Variants in ZNF44 observed in about 807,000 individuals in gnomAD.
ZNF44 encodes the protein gonadotropin inducible transcription repressor-2.
Under a neutral mutation model 11.7 loss-of-function variants are expected in ZNF44, and 9 were observed. The observed-to-expected ratio is 0.77, with a 90% CI of 0.46 to 1.35. The LOEUF is 1.35. ZNF44 is among the 40% of genes most tolerant of loss of function. The probability of loss-of-function intolerance (pLI) is 0.00; values close to 1 mark genes in which losing one functional copy is unlikely to be tolerated. For synonymous variants in ZNF44, 224 were observed against 242.7 expected (o/e 0.92, Z 0.72); for missense variants, 696 against 743.1 (o/e 0.94, Z 0.74).
chr19:12,226,850 T>C (rs1361512948), intron 3 of ZNF44, among the ~76,000 whole-genome samples: 6 of 152,156 alleles, frequency 3.9e-5, no homozygotes, highest in African/African-American at 1.2e-4. Flanking sequence ...GTGGATTACC[T>C]GAGGTCAGGA....
intron 5 of ZNF44, among the ~76,000 whole-genome samples, chr19:12,263,833 G>T (rs1010363459): frequency 4.6e-5 from 7 of 151,514 alleles, no homozygotes; most frequent in African/African-American, 1.7e-4. Context: ...GCTGAGGAAG[G>T]AGAATGGCGT....
At chr19:12,271,429 A>G (rs1333465055), downstream of ZNF44, among the ~76,000 whole-genome samples, 16 of 152,218 alleles carry the variant, frequency 1.1e-4, no homozygotes, top group Admixed American at 1.0e-3. Flanking sequence ...AACATCTTCA[A>G]TCAGAACCTG....
chr19:12,284,699 C>A, intron 1 of ZNF44: 1 of 734,440 alleles, frequency 1.4e-6, no homozygotes, highest in Non-Finnish European at 2.4e-6. Flanking sequence ...CCATCGGGGA[C>A]TACAATGGCC....
chr19:12,252,082 C>CA (rs1917030531), intron 5 of ZNF44, among the ~76,000 whole-genome samples: 1 of 149,146 alleles, frequency 6.7e-6, no homozygotes, highest in African/African-American at 2.5e-5. Context: ...TTGCAATTTA[C>CA]AATAAAGTGC....
downstream of ZNF44, among the ~76,000 whole-genome samples, chr19:12,269,721 C>T (rs1267156425): frequency 1.3e-5 from 2 of 152,138 alleles, no homozygotes; most frequent in Admixed American, 6.5e-5. Flanking sequence ...GAGCACTATA[C>T]ATGAGTTAAT....
chr19:12,273,504 T>C lies in ZNF44; in HGVS notation c.751A>G (p.Lys251Glu), dbSNP rs774254484. ...LRHEKIHTGE[K>E]PYECKQCSKA... is the part of the protein sequence containing the mutation. The stretch of plus-strand genomic sequence containing the variant: ...GAACACTGCTTACATTCATACGGTT[T>C]CTCCCCAGTGTGTATTTTTTCATGT... The change falls in exon 4 of 4, where the codon AAA becomes GAA. Residue 251 changes from lysine (K) to glutamate (E), a missense_variant. Physicochemically the swap from Lys to Glu is moderately conservative, Grantham distance 56. Coordinates refer to ENST00000355684, the MANE Select transcript of ZNF44 (RefSeq NM_016264.4). 1 of 1,614,092 alleles carries C rather than the reference T, an allele frequency of 6.2e-7. No individual in the cohort carries two copies. The highest frequency in any genetic ancestry group is 1.7e-5 in the Admixed American group (1 of 60,010).
upstream of ZNF44, among the ~76,000 whole-genome samples, chr19:12,240,183 C>T (rs568206521): frequency 2.8e-4 from 43 of 152,208 alleles, no homozygotes; most frequent in African/African-American, 9.9e-4. Flanking sequence ...ATGGCTCACA[C>T]CTGTAATCCC....
At chr19:12,259,784 C>T (rs1038197698) in intron 5 of ZNF44, among the ~76,000 whole-genome samples, 3 of 152,190 alleles carry the variant, frequency 2.0e-5, no homozygotes, top group Non-Finnish European at 2.9e-5. Context: ...CACAACTATG[C>T]CATGGGTGTT....
rs958103269 is a variant in ZNF44, at chr19:12,276,017, T to C, written c.69A>G (p.Pro23=). ...FTHEEWALLG[P]SQKNLYRDVM... ...CATCTCTGTAGAGATTCTTCTGTGA[T>C]GGACCCAGCAAAGCCCACTCCTCAT... Residue 23 remains proline (P), a synonymous_variant, in exon 2 of 4, where the codon CCA becomes CCG. Coordinates refer to ENST00000355684, the MANE Select transcript of ZNF44 (RefSeq NM_016264.4). 3 of 1,609,898 alleles carry C rather than the reference T, an allele frequency of 1.9e-6. No individual in the cohort carries two copies. The highest frequency in any genetic ancestry group is 2.5e-6 in the Non-Finnish European group (3 of 1,177,238).
At chr19:12,263,382 G>A (rs1439479401) in intron 5 of ZNF44, among the ~76,000 whole-genome samples, 1 of 151,866 alleles carries the variant, frequency 6.6e-6, no homozygotes, top group Non-Finnish European at 1.5e-5. Flanking sequence ...CACCATGCCT[G>A]GCTTCAAATT....
rs201845011 is a variant in ZNF44 at position 12,272,674 on chromosome 19, C to T, written c.1581G>A (p.Thr527=). 697 of 1,613,464 alleles carry T rather than the reference C, an allele frequency of 4.3e-4. 4 individuals carry two copies. The Middle Eastern group carries it at 5.8e-3, about 13-fold the overall frequency. The change falls in exon 4 of 4, where the codon ACG becomes ACA. Residue 527 remains threonine, a synonymous_variant. Transcript: ENST00000355684. ...SYLKTHERTH[T]AEKPYECKQC... The stretch of plus-strand genomic sequence containing the variant: ...GCTTACATTCATATGGCTTCTCTGC[C>T]GTGTGAGTCCTTTCATGAGTTTTTA...
intron 1 of ZNF44, among the ~76,000 whole-genome samples, chr19:12,236,720 C>T (rs1434392239): frequency 6.6e-6 from 1 of 152,190 alleles, no homozygotes; most frequent in African/African-American, 2.4e-5. Context: ...CATATACTTT[C>T]ACCACATACT....
In ZNF44 at chr19:12,273,404, T is replaced by G; in HGVS notation, c.851A>C (p.Lys284Thr). ...THTGEKPYKC[K>T]QCGKAFSVSG... ...AACACTGAAGGCTTTCCCACATTGTTTACATTTGTAGGGTTTCTCTCCAGT... is the reference window on the plus strand; with the variant it reads ...AACACTGAAGGCTTTCCCACATTGTGTACATTTGTAGGGTTTCTCTCCAGT... The change falls in exon 4 of 4, where the codon AAA becomes ACA. Residue 284 changes from lysine (K) to threonine (T), a missense_variant. By Grantham distance (78) the Lys-to-Thr change is moderately conservative (BLOSUM62 -1). Transcript: ENST00000355684. 6.2e-7 allele frequency: 1 copy of G among 1,614,102 alleles called. No individual in the cohort carries two copies. The highest frequency in any genetic ancestry group is 8.5e-7 in the Non-Finnish European group (1 of 1,179,998).
intron 1 of ZNF44, among the ~76,000 whole-genome samples, chr19:12,279,768 T>C (rs1009034324): frequency 1.4e-5 from 2 of 143,730 alleles, no homozygotes; most frequent in African/African-American, 5.3e-5. Flanking sequence ...ACAACTTAAA[T>C]GAAAACATCA....
At chr19:12,231,718 TAAAC>T (rs562267984) in intron 2 of ZNF44, among the ~76,000 whole-genome samples, 66 of 152,290 alleles carry the variant, frequency 4.3e-4, no homozygotes, top group African/African-American at 1.5e-3. Context: ...ATTAAGCATC[TAAAC>T]AAACAACTAT....
intron 5 of ZNF44, among the ~76,000 whole-genome samples, chr19:12,265,349 C>T (rs2145710797): frequency 6.6e-6 from 1 of 152,176 alleles, no homozygotes; most frequent in East Asian, 1.9e-4. Flanking sequence ...CCCCCCAGTG[C>T]ATTCAAGCCT....
chr19:12,249,959 T>C, intron 7 of ZNF44: 1 of 1,270,724 alleles, frequency 7.9e-7, no homozygotes, highest in African/African-American at 1.5e-5. Context: ...TACTGCTTTC[T>C]TTTCTGAGTG....
chr19:12,263,740 A>G (rs1383028353), intron 5 of ZNF44, among the ~76,000 whole-genome samples: 1 of 151,938 alleles, frequency 6.6e-6, no homozygotes, highest in Non-Finnish European at 1.5e-5. Flanking sequence ...CCTGGCTAAC[A>G]TGGTGAAACC....
At chr19:12,267,131 G>A (rs1917766599), downstream of ZNF44, among the ~76,000 whole-genome samples, 1 of 150,092 alleles carries the variant, frequency 6.7e-6, no homozygotes, top group Admixed American at 6.7e-5. Flanking sequence ...TGCAACCTCT[G>A]CCTCACGGGT....
Sources: gnomAD v4.1 joint callset for allele counts (sites outside exome capture counted in the v4.1 genomes callset) on GRCh38, gnomAD v4.1.1 for gene constraint, MANE v1.5 for transcripts, NCBI Gene and HGNC (gene_info 2026-07-23, HGNC 2026-07-21) for gene names.